Variants in ELMO1 observed in about 807,000 individuals in gnomAD.
The protein encoded by ELMO1 is engulfment and cell motility 1.
Under a neutral mutation model 98.9 loss-of-function variants are expected in ELMO1, and 26 were observed. The ratio of observed to expected loss-of-function variants is 0.26; its 90% CI spans 0.19 to 0.36. The LOEUF (loss-of-function observed/expected upper bound fraction) is 0.36. ELMO1 is among the 10% of genes least tolerant of loss of function. The probability of loss-of-function intolerance (pLI) is 1.00; values close to 1 mark genes in which losing one functional copy is unlikely to be tolerated. For missense variants in ELMO1, 627 were observed against 935.2 expected, an observed-to-expected ratio of 0.67 and a Z score of 4.30; for synonymous variants, 346 against 346.0, an observed-to-expected ratio of 1.00 and a Z score of 0.00.
chr7:37,325,649 AT>A (rs1799759587), intron 2 of ELMO1, among the ~76,000 whole-genome samples: 1 of 152,238 alleles, frequency 6.6e-6, no homozygotes, highest in Non-Finnish European at 1.5e-5. Flanking sequence ...CAGATGCTTT[AT>A]TCTAACACTT....
intron 13 of ELMO1, among the ~76,000 whole-genome samples, chr7:37,145,555 T>G (rs1301500234): frequency 6.6e-6 from 1 of 152,246 alleles, no homozygotes; most frequent in African/African-American, 2.4e-5. Flanking sequence ...ATTTCTACTC[T>G]TGAATGCTTC....
At position 37,448,718 on chromosome 7, in the gene ELMO1, TCA is replaced by T. The variant is rs1805772102; in HGVS notation, c.-119_-118del. 6.6e-6 allele frequency: 1 copy of T among 152,396 alleles called. No homozygotes were observed. The highest frequency in any genetic ancestry group is 6.5e-5 in the Admixed American group (1 of 15,288). The allele number at this position is 152,396 out of a possible 1,614,324, so 9.4% of individuals were successfully genotyped here. On this transcript the variant is annotated 5_prime_UTR_variant, in exon 1 of 22. The change abolishes the stop of an existing upstream ORF in the 5' untranslated region. Coordinates refer to ENST00000310758, the MANE Select transcript of ELMO1 (RefSeq NM_014800.11). ...CAGCAGCGGCAAGGGTTCCCGGCGATCAGAGCTCCGGCGACCCGCCACCATTG... is the reference window on the plus strand; with the variant it reads ...CAGCAGCGGCAAGGGTTCCCGGCGATGAGCTCCGGCGACCCGCCACCATTG...
intron 6 of ELMO1, among the ~76,000 whole-genome samples, chr7:37,250,723 C>A (rs2130746016): frequency 7.1e-6 from 1 of 140,840 alleles, no homozygotes; most frequent in Non-Finnish European, 1.5e-5. Context: ...ACCGGGGAGG[C>A]GGAGCTTGCA....
At position 37,071,976 on chromosome 7, in the gene ELMO1, G is replaced by A. The variant is rs117502789; in HGVS notation, c.1300+24643C>T. The stretch of plus-strand genomic sequence containing the variant: ...AAGGTTCAGGAGAGCTCTTCAGCTG[G>A]GAGCTGAAGCTCAAGAGTAAACAAG... On this transcript the variant is annotated intron_variant, in intron 15 of 21. Transcript: ENST00000310758. Among the ~76,000 whole-genome samples, 492 of 152,226 alleles carry A rather than the reference G, an allele frequency of 3.2e-3. 2 individuals carry two copies. Among genetic ancestry groups the A allele is most frequent in the Non-Finnish European group, 4.5e-3 (308 of 68,014 alleles).
chr7:37,268,666 G>A (rs966985288), intron 5 of ELMO1, among the ~76,000 whole-genome samples: 4 of 152,166 alleles, frequency 2.6e-5, no homozygotes, highest in Non-Finnish European at 4.4e-5. Flanking sequence ...TGTTTAACAC[G>A]GCCACTAGAG....
chr7:37,369,475 T>C (rs1802027458), intron 1 of ELMO1, among the ~76,000 whole-genome samples: 2 of 152,216 alleles, frequency 1.3e-5, no homozygotes, highest in East Asian at 1.9e-4. Flanking sequence ...ATTTAATAAG[T>C]GGCATGGGGA....
chr7:36,885,980 G>A (rs1281627152), intron 18 of ELMO1, among the ~76,000 whole-genome samples: 1 of 152,178 alleles, frequency 6.6e-6, no homozygotes. Flanking sequence ...ATTGCCCAAG[G>A]TCACACAGCT....
At chr7:37,097,775 C>A (rs1562999010) in intron 14 of ELMO1, among the ~76,000 whole-genome samples, 1 of 152,140 alleles carries the variant, frequency 6.6e-6, no homozygotes, top group African/African-American at 2.4e-5. Context: ...AAAACAGAGA[C>A]AAGAGACAGC....
intron 11 of ELMO1, among the ~76,000 whole-genome samples, chr7:37,216,437 T>G (rs111369328): frequency 3.2e-4 from 48 of 152,064 alleles, no homozygotes; most frequent in African/African-American, 1.1e-3. Flanking sequence ...CAGAAACCCC[T>G]CCCTCCAATC....
chr7:36,936,683 G>T (rs549165717), intron 16 of ELMO1, among the ~76,000 whole-genome samples: 2 of 152,016 alleles, frequency 1.3e-5, no homozygotes, highest in African/African-American at 4.8e-5. Context: ...CAAACTCCTG[G>T]CCTCAAGCCA....
At chr7:37,285,963 T>C (rs766148596) in intron 4 of ELMO1, among the ~76,000 whole-genome samples, 19 of 151,570 alleles carry the variant, frequency 1.3e-4, no homozygotes, top group Non-Finnish European at 2.5e-4. Context: ...TTAGAGCCTG[T>C]GGTCTCAGAA....
intron 17 of ELMO1, among the ~76,000 whole-genome samples, chr7:36,893,105 A>G (rs1056862010): frequency 1.3e-5 from 2 of 152,232 alleles, no homozygotes; most frequent in African/African-American, 2.4e-5. Context: ...TTCATCAAAC[A>G]TAATTCAGAG....
At chr7:37,372,965 T>C (rs1384962105) in intron 1 of ELMO1, among the ~76,000 whole-genome samples, 4 of 152,194 alleles carry the variant, frequency 2.6e-5, no homozygotes, top group Non-Finnish European at 5.9e-5. Flanking sequence ...CCCTGTATCC[T>C]GAGGCTACTA....
intron 15 of ELMO1, among the ~76,000 whole-genome samples, chr7:37,056,605 C>CT (rs1796402275): frequency 6.6e-6 from 1 of 152,242 alleles, no homozygotes; most frequent in Non-Finnish European, 1.5e-5. Flanking sequence ...ACAGATTTGA[C>CT]TTGAAAAGCA....
At chr7:37,273,593 T>C (rs751504117) in intron 4 of ELMO1, among the ~76,000 whole-genome samples, 6 of 152,322 alleles carry the variant, frequency 3.9e-5, no homozygotes, top group South Asian at 2.1e-4. Flanking sequence ...ATCTTTGACA[T>C]TGAAGATAGA....
intron 21 of ELMO1, among the ~76,000 whole-genome samples, chr7:36,861,375 C>G (rs1365879101): frequency 1.3e-5 from 2 of 152,062 alleles, no homozygotes; most frequent in Admixed American, 6.6e-5. Context: ...AAGCTGTAAC[C>G]AGGGCCGCTT....
At chr7:37,198,604 G>A (rs1246306097) in intron 13 of ELMO1, among the ~76,000 whole-genome samples, 6 of 152,350 alleles carry the variant, frequency 3.9e-5, no homozygotes, top group East Asian at 3.9e-4. Context: ...GGCTGCACTC[G>A]TAAAAGCTAT....
chr7:37,409,562 G>A (rs1803910894), intron 1 of ELMO1, among the ~76,000 whole-genome samples: 1 of 152,190 alleles, frequency 6.6e-6, no homozygotes, highest in African/African-American at 2.4e-5. Context: ...CACTCATATG[G>A]CTGGAAAGTT....
At chr7:37,073,256 T>C (rs781131784) in intron 15 of ELMO1, among the ~76,000 whole-genome samples, 16 of 152,252 alleles carry the variant, frequency 1.1e-4, no homozygotes, top group East Asian at 7.7e-4. Context: ...TTTTAAGATA[T>C]AGAAAGAAGT....
Sources: allele counts gnomAD v4.1 joint callset (sites outside exome capture counted in the v4.1 genomes callset), GRCh38; gene constraint gnomAD v4.1.1; transcripts MANE v1.5; gene names NCBI Gene and HGNC (gene_info 2026-07-23, HGNC 2026-07-21).